ZC3H3: variants seen among roughly 807,000 people sequenced by gnomAD.
ZC3H3 encodes zinc finger CCCH-type containing 3.
In ZC3H3, 36 loss-of-function variants were observed where a neutral mutation model predicts 77.3. That is an observed-to-expected ratio of 0.47 (90% CI 0.36 to 0.61). ZC3H3 has a LOEUF of 0.61. ZC3H3 is among the 20% of genes least tolerant of loss of function. The pLI is 0.00. For synonymous variants in ZC3H3, 626 were observed against 555.2 expected (o/e 1.13, Z -1.79); for missense variants, 1,331 against 1,312.2 (o/e 1.01, Z -0.22).
chr8:143,437,987 G>C lies in ZC3H3; in HGVS notation c.*69C>G, dbSNP rs1819629277. 6.4e-7 allele frequency: 1 copy of C among 1,567,028 alleles called. No homozygotes were observed. Among genetic ancestry groups the C allele is most frequent in the Non-Finnish European group, 8.7e-7 (1 of 1,154,744 alleles). On this transcript the variant is annotated 3_prime_UTR_variant, in exon 12 of 12. Coordinates refer to ENST00000262577, the MANE Select transcript of ZC3H3 (RefSeq NM_015117.3). ...GGGCGGCCCTCCTGTGGGGTAGAGTGGTGGACAGAGCCTCTTTCCTCTCCA... is the reference window on the plus strand; with the variant it reads ...GGGCGGCCCTCCTGTGGGGTAGAGTCGTGGACAGAGCCTCTTTCCTCTCCA...
rs533662436 is a variant in ZC3H3, at chr8:143,494,494, C to T, written c.1715+13252G>A. Among the ~76,000 whole-genome samples, 1 of 152,176 alleles carries T rather than the reference C, an allele frequency of 6.6e-6. No individual in the cohort carries two copies. Among genetic ancestry groups the T allele is most frequent in the South Asian group, 2.1e-4 (1 of 4,832 alleles). On this transcript the variant is annotated intron_variant, in intron 4 of 11. Transcript: ENST00000262577. The surrounding 1 kb of genome is among the most constrained non-coding windows in gnomAD (Gnocchi z 5.3). ...CACCCCACAGTGCAGGAGCCTGTGG[C>T]CACCCCTGCCAACAGGCCCACACAA...
rs1819692986 is a variant in ZC3H3 at position 143,440,054 on chromosome 8, G to A, written c.2802C>T (p.Leu934=). ...CGTGCTGCCTACCTGAGTCCTTGGT[G>A]AGGGGGGCCCTAGGGGCCCGGACCC... ...QPRVRAPRAP[L]TKDSGKPLHI... is the part of the protein sequence containing the mutation. The change falls in exon 11 of 12, where the codon CTC becomes CTT. Residue 934 remains leucine, a synonymous_variant. Transcript: ENST00000262577. The A allele has an allele frequency of 6.4e-7, 1 of 1,555,168 alleles. No homozygotes were observed. The highest frequency in any genetic ancestry group is 1.2e-5 in the South Asian group (1 of 85,064).
intron 8 of ZC3H3, among the ~76,000 whole-genome samples, chr8:143,467,602 C>T (rs1013030998): frequency 2.6e-5 from 4 of 152,200 alleles, no homozygotes; most frequent in Admixed American, 2.0e-4. Flanking sequence ...GTGGTCACAC[C>T]GTGGCTGAGT....
intron 4 of ZC3H3, among the ~76,000 whole-genome samples, chr8:143,479,763 A>C (rs1349316608): frequency 2.6e-5 from 4 of 152,184 alleles, no homozygotes; most frequent in African/African-American, 9.7e-5. Context: ...AACCTTGACT[A>C]CACCAGGGCG....
chr8:143,458,006 G>A lies in ZC3H3; in HGVS notation c.2307+7711C>T, dbSNP rs114645705. On this transcript the variant is annotated intron_variant, in intron 9 of 11. Transcript: ENST00000262577. Reference sequence around the variant, plus strand: ...TAAGAGCAGACAGCCCAATGAAATCGAAAACAGAAAACCAAAAGAGAAAAA... The same window carrying A: ...TAAGAGCAGACAGCCCAATGAAATCAAAAACAGAAAACCAAAAGAGAAAAA... Among the ~76,000 whole-genome samples, 442 of 152,078 alleles carry A rather than the reference G, an allele frequency of 2.9e-3. 4 individuals are homozygous for A. Among genetic ancestry groups the A allele is most frequent in the African/African-American group, 0.01 (418 of 41,460 alleles).
At chr8:143,473,887 A>C (rs991649573) in intron 5 of ZC3H3, among the ~76,000 whole-genome samples, 4 of 152,152 alleles carry the variant, frequency 2.6e-5, no homozygotes, top group Admixed American at 6.5e-5. Flanking sequence ...TACTTCACTC[A>C]GGGAAATGAC....
intron 5 of ZC3H3, among the ~76,000 whole-genome samples, chr8:143,473,216 T>TGCTG (rs1306534805): frequency 1.3e-5 from 2 of 151,934 alleles, no homozygotes; most frequent in Non-Finnish European, 2.9e-5. Flanking sequence ...CTCCTCCCCC[T>TGCTG]GCTGGCTGTG....
intron 4 of ZC3H3, among the ~76,000 whole-genome samples, chr8:143,488,970 C>T (rs532332128): frequency 1.1e-3 from 162 of 152,382 alleles, no homozygotes; most frequent in Admixed American, 2.4e-3. Context: ...CTGCCCGTGG[C>T]TGCTGACGCT....
chr8:143,497,536 C>T (rs1821387372), intron 4 of ZC3H3, among the ~76,000 whole-genome samples: 1 of 152,254 alleles, frequency 6.6e-6, no homozygotes, highest in Non-Finnish European at 1.5e-5. Context: ...CTGCCCCTGT[C>T]CCATCCTGGC....
At chr8:143,444,615 T>G (rs1819821601) in intron 9 of ZC3H3, among the ~76,000 whole-genome samples, 1 of 152,184 alleles carries the variant, frequency 6.6e-6, no homozygotes, top group South Asian at 2.1e-4. Flanking sequence ...AAGAGAAGAA[T>G]CATATGATCA....
chr8:143,538,063 G>A lies in ZC3H3; in HGVS notation c.1304C>T (p.Pro435Leu), dbSNP rs368969638. The change falls in exon 2 of 12, where the codon CCG becomes CTG. Residue 435 changes from proline to leucine, a missense_variant. Pro to Leu is a moderately conservative substitution (Grantham distance 98, BLOSUM62 -3). This residue lies in a region of ZC3H3 where 978 missense variants were observed against 915.5 expected (regional missense o/e 1.07). Coordinates refer to ENST00000262577, the MANE Select transcript of ZC3H3 (RefSeq NM_015117.3). ...GCTCTTCACTTTGTAAGCCGAGAGC[G>A]GGGTCTCCCCAGAGAGGGGCTTCAA... ...SGLKPLSGETPLSAYKVKSRT... is the reference protein window; with the variant it reads ...SGLKPLSGETLLSAYKVKSRT... The A allele has an allele frequency of 3.2e-5, 52 of 1,612,598 alleles. No homozygotes were observed. The highest frequency in any genetic ancestry group is 3.3e-4 in the Middle Eastern group (2 of 6,080).
intron 4 of ZC3H3, among the ~76,000 whole-genome samples, chr8:143,499,098 G>A (rs1470869031): frequency 1.3e-5 from 2 of 152,118 alleles, no homozygotes; most frequent in Non-Finnish European, 2.9e-5. Context: ...TGCTGGCCAG[G>A]ACCACTGCCA....
chr8:143,537,721 G>A (rs150000049), intron 2 of ZC3H3, among the ~76,000 whole-genome samples: 5 of 152,358 alleles, frequency 3.3e-5, no homozygotes, highest in East Asian at 1.9e-4. Flanking sequence ...CAACTGGAAC[G>A]GAAGCTGCCC....
chr8:143,519,208 G>C (rs1249326819), intron 3 of ZC3H3, among the ~76,000 whole-genome samples: 1 of 152,180 alleles, frequency 6.6e-6, no homozygotes, highest in Non-Finnish European at 1.5e-5. Flanking sequence ...CCCAGCATTC[G>C]GGTCAGGGTA....
intron 3 of ZC3H3, among the ~76,000 whole-genome samples, chr8:143,534,761 G>A (rs1208599725): frequency 6.6e-6 from 1 of 152,176 alleles, no homozygotes; most frequent in African/African-American, 2.4e-5. Context: ...GTGGCCACCA[G>A]GGACCGCATG....
In ZC3H3 at chr8:143,440,953, C is replaced by T. The variant is rs138077825; in HGVS notation, c.2475G>A (p.Ser825=). 12 of 1,436,700 alleles carry T rather than the reference C, an allele frequency of 8.4e-6. No homozygotes were observed. Among genetic ancestry groups the T allele is most frequent in the African/African-American group, 7.4e-5 (5 of 67,186 alleles). 89.0% of individuals were successfully genotyped at this position (1,436,700 alleles called of 1,614,324 possible). Residue 825 remains serine, a synonymous_variant, in exon 10 of 12, where the codon TCG becomes TCA. Transcript: ENST00000262577. ...CCCATCACCTGGGCCCGTGGCTGGC[C>T]GAGACCCTGCTCCTGGCGGTTGCGT... ...PSDATARSRV[S]ASHGPRKPSA...
intron 11 of ZC3H3, 41 bp from the exon 12 acceptor site, chr8:143,438,128 G>C (rs774234200): frequency 8.2e-6 from 13 of 1,590,532 alleles, no homozygotes; most frequent in South Asian, 1.1e-5. Flanking sequence ...GGAAACCCCT[G>C]GAAGAACCTC....
At chr8:143,510,990 T>A (rs1466176923) in intron 3 of ZC3H3, among the ~76,000 whole-genome samples, 3 of 152,226 alleles carry the variant, frequency 2.0e-5, no homozygotes, top group Non-Finnish European at 4.4e-5. Context: ...ATCGATCTCA[T>A]TAGCTTTCCT....
At position 143,468,432 on chromosome 8, in the gene ZC3H3, G is replaced by A. The variant is rs1408736779; in HGVS notation, c.2055C>T (p.Gly685=). The A allele has an allele frequency of 3.7e-6, 6 of 1,610,996 alleles. No individual in the cohort carries two copies. Among genetic ancestry groups the A allele is most frequent in the East Asian group, 2.2e-5 (1 of 44,748 alleles). Residue 685 remains glycine, a synonymous_variant, in exon 7 of 12, where the codon GGC becomes GGT. Transcript: ENST00000262577. ...YYNRFGRCNR[G]ERCPYIHDPE... is the part of the protein sequence containing the mutation. ...GATCGTGGATGTAGGGGCAGCGCTC[G>A]CCACGGTTGCACCTGCCGAAGCGGT...
Sources: gnomAD v4.1 joint callset for allele counts (sites outside exome capture counted in the v4.1 genomes callset) on GRCh38, gnomAD v4.1.1 for gene constraint, gnomAD v4.1.1 regional missense constraint, Gnocchi (gnomAD v3.1) non-coding constraint, MANE v1.5 for transcripts, NCBI Gene and HGNC (gene_info 2026-07-23, HGNC 2026-07-21) for gene names.